The following CFAP54 variants were observed in gnomAD, a reference collection of about 807,000 sequenced individuals.
CFAP54 encodes the protein cilia and flagella associated protein 54.
Under a neutral mutation model 370.4 loss-of-function variants are expected in CFAP54, and 290 were observed. That is an observed-to-expected ratio of 0.78 (90% CI 0.71 to 0.86). The LOEUF is 0.86. Among genes scored for constraint, CFAP54 ranks in the 40% least tolerant of loss-of-function variants. CFAP54 has a pLI of 0.00. For synonymous variants in CFAP54, 1,206 were observed against 1,236.5 expected (o/e 0.98, Z 0.52); for missense variants, 3,399 against 3,528.7 (o/e 0.96, Z 0.93).
At chr12:96,633,387 A>C (rs1030902018) in intron 32 of CFAP54, among the ~76,000 whole-genome samples, 1 of 152,252 alleles carries the variant, frequency 6.6e-6, no homozygotes, top group Non-Finnish European at 1.5e-5. Context: ...CTGTACAACT[A>C]TAGTACAATA....
At chr12:96,823,954 T>C (rs1333505714) in intron 65 of CFAP54, among the ~76,000 whole-genome samples, 1 of 152,060 alleles carries the variant, frequency 6.6e-6, no homozygotes, top group Non-Finnish European at 1.5e-5. Context: ...GGAAGTTTTT[T>C]CTCCCCCCAC....
At chr12:96,603,583 C>A in intron 26 of CFAP54, among the ~76,000 whole-genome samples, 1 of 152,216 alleles carries the variant, frequency 6.6e-6, no homozygotes. Flanking sequence ...CCGTCACTAT[C>A]AGGTACACCA....
intron 15 of CFAP54, among the ~76,000 whole-genome samples, chr12:96,551,301 G>A (rs986592652): frequency 3.9e-5 from 6 of 151,948 alleles, no homozygotes; most frequent in East Asian, 3.9e-4. Flanking sequence ...AAAAAAACCC[G>A]CCTCTGCCTA....
rs548010555 is a variant in CFAP54 at position 96,499,982 on chromosome 12, C to A, written c.318-852C>A. ...CAAAACAAAACAAAACAAAACAAAA[C>A]AAAAAAAACCGTGCGCATCAGTATT... On this transcript the variant is annotated intron_variant, in intron 1 of 67. Coordinates refer to ENST00000524981, the MANE Select transcript of CFAP54 (RefSeq NM_001306084.2). Among the ~76,000 whole-genome samples, 405 of 146,532 alleles carry A rather than the reference C, an allele frequency of 2.8e-3. 2 individuals carry two copies. Among genetic ancestry groups the A allele is most frequent in the African/African-American group, 9.4e-3 (374 of 39,632 alleles).
chr12:96,731,862 A>G (rs187843962), intron 50 of CFAP54, among the ~76,000 whole-genome samples: 3 of 152,284 alleles, frequency 2.0e-5, no homozygotes, highest in Non-Finnish European at 1.5e-5. Flanking sequence ...ATTAAATTCT[A>G]CATTGCAACA....
rs542424076 is a variant in CFAP54, at chr12:96,709,423, C to T, written c.6724+620C>T. On this transcript the variant is annotated intron_variant, in intron 48 of 67. Coordinates refer to ENST00000524981, the MANE Select transcript of CFAP54 (RefSeq NM_001306084.2). ...AATTTTCAATTGTATTAGATGTTGC[C>T]TTAAAAATAGGTGATTTTTACCATT... 5.3e-5 allele frequency among the ~76,000 whole-genome samples: 8 copies of T among 152,208 alleles called. No individual in the cohort carries two copies. The East Asian group carries it at 1.5e-3, about 29-fold the overall frequency.
chr12:96,701,306 A>G (rs1957489220), intron 46 of CFAP54, among the ~76,000 whole-genome samples: 1 of 152,042 alleles, frequency 6.6e-6, no homozygotes, highest in Admixed American at 6.6e-5. Flanking sequence ...TCTTACCTGG[A>G]TTAAATTAGC....
At chr12:96,689,115 G>A (rs1418340279) in intron 43 of CFAP54, 133 bp downstream of exon 43, 3 of 524,654 alleles carry the variant, frequency 5.7e-6, no homozygotes, top group Non-Finnish European at 6.6e-6. Flanking sequence ...TGACAAGCCC[G>A]TCTTTCTCTT....
intron 2 of CFAP54, among the ~76,000 whole-genome samples, chr12:96,502,825 C>T (rs1412832072): frequency 1.3e-5 from 2 of 152,198 alleles, no homozygotes; most frequent in Non-Finnish European, 2.9e-5. Flanking sequence ...GCATCTGATT[C>T]TGTAATGGGA....
At chr12:96,535,429 T>TA (rs397953418) in intron 11 of CFAP54, 86 bp from the exon 12 acceptor site, 4 of 783,372 alleles carry the variant, frequency 5.1e-6, no homozygotes, top group Non-Finnish European at 8.4e-6. Context: ...GTCATTTTTT[T>TA]AGCATATTTG....
At chr12:96,573,965 T>C (rs918718391) in intron 19 of CFAP54, among the ~76,000 whole-genome samples, 15 of 152,238 alleles carry the variant, frequency 9.9e-5, no homozygotes, top group Non-Finnish European at 1.8e-4. Flanking sequence ...AAAAAACTAT[T>C]CATCATCGTG....
chr12:96,857,427 A>G (rs920728527), intron 66 of CFAP54, among the ~76,000 whole-genome samples: 6 of 149,068 alleles, frequency 4.0e-5, no homozygotes, highest in South Asian at 2.1e-4. Context: ...GCTGAGGATA[A>G]TAGCCTCTAG....
intron 48 of CFAP54, 88 bp downstream of exon 48, chr12:96,708,891 A>G: frequency 1.9e-6 from 2 of 1,051,668 alleles, no homozygotes; most frequent in Non-Finnish European, 2.7e-6. Context: ...TAAATGATAC[A>G]GTATATATTC....
chr12:96,621,871 GTTTGTTTTTTTTTTTTTTTTTT>G (rs1376902804), intron 27 of CFAP54, 150 bp downstream of exon 27: 6 of 51,430 alleles, frequency 1.2e-4, no homozygotes, highest in Non-Finnish European at 2.1e-4. Flanking sequence ...GAGCTTTTGG[GTTTGTTTTTTTTTTTTTTTTTT>G]TTTTTTTTTT....
chr12:96,694,573 CAG>C (rs1056088102), intron 45 of CFAP54, among the ~76,000 whole-genome samples: 7 of 152,016 alleles, frequency 4.6e-5, no homozygotes, highest in Non-Finnish European at 5.9e-5. Context: ...ATTAGGAAGA[CAG>C]AGAAATTTAA....
chr12:96,580,812 A>G (rs887270307), intron 21 of CFAP54, 108 bp from the exon 22 acceptor site: 5 of 1,124,180 alleles, frequency 4.4e-6, no homozygotes, highest in Admixed American at 6.8e-5. Context: ...AAAATCCAAC[A>G]ATGAAAGAAA....
intron 26 of CFAP54, among the ~76,000 whole-genome samples, chr12:96,617,190 G>C (rs568765906): frequency 1.3e-5 from 2 of 152,328 alleles, no homozygotes; most frequent in East Asian, 3.9e-4. Context: ...AAGGTAATGA[G>C]TTTTAAACAG....
chr12:96,763,543 T>C (rs889393091), intron 58 of CFAP54, among the ~76,000 whole-genome samples: 5 of 152,006 alleles, frequency 3.3e-5, no homozygotes, highest in Non-Finnish European at 7.4e-5. Context: ...CTTTGGAAGG[T>C]TGAGGTGGGC....
intron 67 of CFAP54, among the ~76,000 whole-genome samples, chr12:96,870,029 C>G (rs976334363): frequency 6.6e-6 from 1 of 151,228 alleles, no homozygotes; most frequent in Non-Finnish European, 1.5e-5. Context: ...TTTTGGATGC[C>G]GAGGTGGGCG....
Sources: gnomAD v4.1 joint callset for allele counts (sites outside exome capture counted in the v4.1 genomes callset) on GRCh38, gnomAD v4.1.1 for gene constraint, MANE v1.5 for transcripts, NCBI Gene and HGNC (gene_info 2026-07-23, HGNC 2026-07-21) for gene names.